Variants in ARFGEF1 observed in about 807,000 individuals in gnomAD.
ARFGEF1 encodes ARF guanine nucleotide exchange factor 1, also known as brefeldin A-inhibited guanine nucleotide-exchange protein 1.
In ARFGEF1, 42 loss-of-function variants were observed where a neutral mutation model predicts 231.0. The ratio of observed to expected loss-of-function variants is 0.18; its 90% CI spans 0.14 to 0.24. The LOEUF (loss-of-function observed/expected upper bound fraction) is 0.24. ARFGEF1 is among the 10% of genes least tolerant of loss of function. The pLI, the probability that ARFGEF1 is intolerant of heterozygous loss-of-function variation, is 1.00. For missense variants in ARFGEF1, 1,345 were observed against 2,192.0 expected (o/e 0.61, Z 7.72); for synonymous variants, 710 against 732.3 (o/e 0.97, Z 0.49).
intron 8 of ARFGEF1, among the ~76,000 whole-genome samples, chr8:67,276,727 C>G (rs1357473964): frequency 1.3e-5 from 2 of 152,114 alleles, no homozygotes; most frequent in African/African-American, 4.8e-5. Flanking sequence ...TTTTCTCACC[C>G]TACAACACAG....
At chr8:67,273,152 G>GCAA (rs1475950030) in intron 9 of ARFGEF1, among the ~76,000 whole-genome samples, 1 of 151,750 alleles carries the variant, frequency 6.6e-6, no homozygotes, top group Non-Finnish European at 1.5e-5. Context: ...AACTTAAATA[G>GCAA]CTTAGCAACT....
rs1806476071 is a variant in ARFGEF1 at position 67,301,251 on chromosome 8, T to C, written c.285A>G (p.Ile95Met). The C allele has an allele frequency of 8.1e-6, 13 of 1,613,454 alleles. No individual in the cohort carries two copies. Among genetic ancestry groups the C allele is most frequent in the Admixed American group, 1.7e-5 (1 of 59,722 alleles). The change falls in exon 3 of 39, where the codon ATA becomes ATG. Residue 95 changes from isoleucine (I) to methionine (M), a missense_variant. Ile to Met is a conservative substitution (Grantham distance 10, BLOSUM62 1). Around this residue, in one of 14 missense-constraint regions of ARFGEF1, gnomAD observed 398 missense variants for 463.2 expected, o/e 0.86. Transcript: ENST00000262215. ...GTAAGCAATCTAGAGATGTACTAAC[T>C]ATGCGAGGACATTTGGACTGGCATG... ...ELACQSKCPR[I>M]VSTSLDCLQK...
chr8:67,336,247 C>T (rs957396707), intron 1 of ARFGEF1, among the ~76,000 whole-genome samples: 1 of 152,122 alleles, frequency 6.6e-6, no homozygotes, highest in Non-Finnish European at 1.5e-5. Flanking sequence ...ACACTAAAGC[C>T]TCAGAATAAC....
intron 1 of ARFGEF1, among the ~76,000 whole-genome samples, chr8:67,313,332 T>C (rs1807157006): frequency 6.6e-6 from 1 of 152,186 alleles, no homozygotes. Context: ...TAAACTAGTG[T>C]GATTTTTGCG....
At chr8:67,196,714 A>T (rs1414152995), downstream of ARFGEF1, among the ~76,000 whole-genome samples, 2 of 152,226 alleles carry the variant, frequency 1.3e-5, no homozygotes, top group Non-Finnish European at 2.9e-5. Context: ...GAAAGTAAGA[A>T]GAAAGCCTCT....
intron 14 of ARFGEF1, among the ~76,000 whole-genome samples, chr8:67,263,265 T>A (rs1040474016): frequency 3.3e-5 from 5 of 152,196 alleles, no homozygotes; most frequent in Non-Finnish European, 7.3e-5. Context: ...CTACTTTTGT[T>A]ACTTTGGTGC....
intron 27 of ARFGEF1, among the ~76,000 whole-genome samples, chr8:67,226,586 A>C (rs1839380971): frequency 6.6e-6 from 1 of 151,810 alleles, no homozygotes; most frequent in Admixed American, 6.6e-5. Flanking sequence ...TGTAATACTT[A>C]AGCAAGCACG....
intron 6 of ARFGEF1, among the ~76,000 whole-genome samples, chr8:67,289,874 C>G (rs1805934229): frequency 6.6e-6 from 1 of 152,112 alleles, no homozygotes; most frequent in African/African-American, 2.4e-5. Context: ...TACCTCAAGT[C>G]TGAAAACTAG....
chr8:67,231,605 A>T (rs1839556158), intron 23 of ARFGEF1, among the ~76,000 whole-genome samples: 1 of 152,076 alleles, frequency 6.6e-6, no homozygotes, highest in African/African-American at 2.4e-5. Context: ...ATGACAGTGA[A>T]GATGATTTTT....
chr8:67,210,177 A>G (rs1323621360), intron 34 of ARFGEF1, among the ~76,000 whole-genome samples: 4 of 150,242 alleles, frequency 2.7e-5, no homozygotes, highest in African/African-American at 9.8e-5. Flanking sequence ...AAAAAAAAGA[A>G]AAACAATAGG....
Position 67,343,641 on chromosome 8 carries a change from T to A in ARFGEF1, c.-354A>T. On this transcript the variant is annotated 5_prime_UTR_variant, in exon 1 of 39. Coordinates refer to ENST00000262215, the MANE Select transcript of ARFGEF1 (RefSeq NM_006421.5). ...GCCCGGGCGGCTGTCTGCCGGGAACTGAGGGACGAGGTGGCGGCGGCTCTC... is the reference window on the plus strand; with the variant it reads ...GCCCGGGCGGCTGTCTGCCGGGAACAGAGGGACGAGGTGGCGGCGGCTCTC... The A allele has an allele frequency of 2.0e-6, 2 of 1,010,120 alleles. No homozygotes were observed. The highest frequency in any genetic ancestry group is 2.4e-6 in the Non-Finnish European group (2 of 845,038). The allele number at this position is 1,010,120 out of a possible 1,614,324, so 62.6% of individuals were successfully genotyped here.
chr8:67,206,371 C>A (rs1391798439), intron 34 of ARFGEF1, among the ~76,000 whole-genome samples: 1 of 145,968 alleles, frequency 6.9e-6, no homozygotes, highest in African/African-American at 2.6e-5. Context: ...GATGACACCA[C>A]TGCACTCCAG....
At chr8:67,256,038 A>C (rs1587144103) in intron 17 of ARFGEF1, among the ~76,000 whole-genome samples, 1 of 152,256 alleles carries the variant, frequency 6.6e-6, no homozygotes, top group African/African-American at 2.4e-5. Flanking sequence ...ATGTCTTTTA[A>C]AGCATAGCTT....
chr8:67,225,620 A>C (rs1442328242), intron 28 of ARFGEF1, among the ~76,000 whole-genome samples: 2 of 152,140 alleles, frequency 1.3e-5, no homozygotes, highest in Non-Finnish European at 2.9e-5. Flanking sequence ...ATTACACAGC[A>C]CAGACAGACA....
chr8:67,229,736 A>G (rs146763361), intron 23 of ARFGEF1, among the ~76,000 whole-genome samples: 1 of 152,214 alleles, frequency 6.6e-6, no homozygotes, highest in Non-Finnish European at 1.5e-5. Flanking sequence ...TTCTCAAACT[A>G]GAGGTATTCT....
rs902834388 is a variant in ARFGEF1, at chr8:67,198,209, C to G, written c.*725G>C. The G allele has an allele frequency of 1.5e-5, 15 of 985,570 alleles. No individual in the cohort carries two copies. In the African/African-American group the frequency reaches 2.1e-4, roughly 14 times the overall value. The allele number at this position is 985,570 out of a possible 1,614,324, so 61.1% of individuals were successfully genotyped here. A position where few individuals can be genotyped will look rare whatever the true frequency, so the allele number is the denominator to read the frequency against. On this transcript the variant is annotated 3_prime_UTR_variant, in exon 39 of 39. Coordinates refer to ENST00000262215, the MANE Select transcript of ARFGEF1 (RefSeq NM_006421.5). The stretch of plus-strand genomic sequence containing the variant: ...CAACAGCTTCTGGGCATGTTACAGC[C>G]TCAAAATCACCACCTACCAAAAAGG...
In ARFGEF1 at chr8:67,190,682, G is replaced by A. The variant is rs965097503; in HGVS notation, c.560+9714C>T. Reference sequence around the variant, plus strand: ...CGGTGAGACATATCCTGCCATTGAAGATGACGTCCTCCCTCCACCATCACA... The same window carrying A: ...CGGTGAGACATATCCTGCCATTGAAAATGACGTCCTCCCTCCACCATCACA... On this transcript the variant is annotated intron_variant, in intron 5 of 5. Transcript: ENST00000518789. 7 of 1,614,008 alleles carry A rather than the reference G, an allele frequency of 4.3e-6. No individual in the cohort carries two copies. The highest frequency in any genetic ancestry group is 5.9e-6 in the Non-Finnish European group (7 of 1,180,008).
At chr8:67,237,595 C>G (rs1253857981) in intron 22 of ARFGEF1, among the ~76,000 whole-genome samples, 2 of 152,122 alleles carry the variant, frequency 1.3e-5, no homozygotes, top group African/African-American at 4.8e-5. Context: ...CAGAGAATAT[C>G]TAGAAACTTC....
At chr8:67,183,014 G>A (rs1833436411) in intron 5 of ARFGEF1, among the ~76,000 whole-genome samples, 1 of 152,164 alleles carries the variant, frequency 6.6e-6, no homozygotes, top group African/African-American at 2.4e-5. Context: ...TTTGTTGCCT[G>A]TGCTTTTGGT....
Sources: allele counts gnomAD v4.1 joint callset (sites outside exome capture counted in the v4.1 genomes callset), GRCh38; gene constraint gnomAD v4.1.1; regional missense constraint gnomAD v4.1.1; transcripts MANE v1.5; gene names NCBI Gene and HGNC (gene_info 2026-07-23, HGNC 2026-07-21).